The following NSUN3 variants were observed in gnomAD, a reference collection of about 807,000 sequenced individuals.
NSUN3 encodes NOP2/Sun RNA methyltransferase 3.
In NSUN3, 24 loss-of-function variants were observed where a neutral mutation model predicts 36.8. The observed-to-expected ratio is 0.65, with a 90% CI of 0.47 to 0.92. The LOEUF is 0.92. NSUN3 is among the 40% of genes least tolerant of loss of function. NSUN3 has a pLI of 0.00. For missense variants in NSUN3, 381 were observed against 392.8 expected, an observed-to-expected ratio of 0.97 and a Z score of 0.25; for synonymous variants, 146 against 145.2, an observed-to-expected ratio of 1.01 and a Z score of -0.04.
At chr3:94,124,134 TTATTA>T (rs2077475240) in intron 5 of NSUN3, among the ~76,000 whole-genome samples, 2 of 149,784 alleles carry the variant, frequency 1.3e-5, no homozygotes, top group South Asian at 4.2e-4. Context: ...ATTTTCTATT[TTATTA>T]TTTTATTTCT....
At chr3:94,078,741 G>T (rs1257085333) in intron 2 of NSUN3, among the ~76,000 whole-genome samples, 1 of 152,142 alleles carries the variant, frequency 6.6e-6, no homozygotes, top group Non-Finnish European at 1.5e-5. Context: ...TTTTATCAGA[G>T]ATTAGGATTG....
intron 3 of NSUN3, among the ~76,000 whole-genome samples, chr3:94,090,107 C>T (rs2077308242): frequency 6.6e-6 from 1 of 152,006 alleles, no homozygotes; most frequent in Non-Finnish European, 1.5e-5. Context: ...AATGAAACTA[C>T]CAATTTCAGT....
chr3:94,099,969 G>T (rs1235082165), intron 5 of NSUN3, among the ~76,000 whole-genome samples: 1 of 152,030 alleles, frequency 6.6e-6, no homozygotes. Flanking sequence ...TTCACAATAT[G>T]AAATAAAAGG....
At chr3:94,072,773 G>C (rs531372656) in intron 2 of NSUN3, among the ~76,000 whole-genome samples, 1 of 152,086 alleles carries the variant, frequency 6.6e-6, no homozygotes, top group South Asian at 2.1e-4. Flanking sequence ...TTTCTGAAGA[G>C]TTCTGCCTCA....
chr3:94,124,148 C>CTTTTTTTTT (rs58987431), intron 5 of NSUN3, among the ~76,000 whole-genome samples: 13 of 88,190 alleles, frequency 1.5e-4, no homozygotes, highest in Non-Finnish European at 2.3e-4. Context: ...TATTTTATTT[C>CTTTTTTTTT]TTTTTTTTTT....
Position 94,126,505 on chromosome 3 carries a change from C to T in NSUN3, c.*15C>T, listed in dbSNP as rs767484984. The T allele has an allele frequency of 4.4e-6, 7 of 1,600,030 alleles. No individual in the cohort carries two copies. Among genetic ancestry groups the T allele is most frequent in the Middle Eastern group, 1.7e-4 (1 of 6,026 alleles). On this transcript the variant is annotated 3_prime_UTR_variant, in exon 6 of 6. Coordinates refer to ENST00000314622, the MANE Select transcript of NSUN3 (RefSeq NM_022072.5). ...GAAAATGGTGACATGAATTTGTAAA[C>T]TGTGTTTATGTGTTATTATATTTAT...
At chr3:94,063,226 G>T (rs2077188506) in intron 1 of NSUN3, 88 bp downstream of exon 1, 1 of 1,294,844 alleles carries the variant, frequency 7.7e-7, no homozygotes, top group Non-Finnish European at 1.1e-6. Context: ...GCTGGGATGG[G>T]GGAACATCAC....
intron 5 of NSUN3, among the ~76,000 whole-genome samples, chr3:94,114,281 G>A (rs182661075): frequency 8.1e-4 from 123 of 152,110 alleles, no homozygotes; most frequent in Middle Eastern, 3.4e-3. Flanking sequence ...TCCTCTTTCC[G>A]GTACTAGATT....
At chr3:94,072,271 C>G (rs548546532) in intron 2 of NSUN3, among the ~76,000 whole-genome samples, 1 of 152,272 alleles carries the variant, frequency 6.6e-6, no homozygotes, top group South Asian at 2.1e-4. Flanking sequence ...GGAATCACTT[C>G]TGTTAGACTT....
rs2077283292 is a variant in NSUN3, at chr3:94,084,299, C to T, written c.315C>T (p.His105=). 1 of 1,614,108 alleles carries T rather than the reference C, an allele frequency of 6.2e-7. No homozygotes were observed. The stretch of plus-strand genomic sequence containing the variant: ...CGGGCCGAATCCCTTCAGAAAGACA[C>T]CAAATTGGAAACCTGAAAAAATATT... ...RTPGRIPSER[H]QIGNLKKYYL... Residue 105 remains histidine, a synonymous_variant, in exon 3 of 6, where the codon CAC becomes CAT. Transcript: ENST00000314622.
chr3:94,074,711 C>T (rs1341627609), intron 2 of NSUN3, among the ~76,000 whole-genome samples: 1 of 152,150 alleles, frequency 6.6e-6, no homozygotes, highest in East Asian at 1.9e-4. Flanking sequence ...TGGGCTGAGA[C>T]GATGGGGCTT....
At chr3:94,092,919 CAAAAAAAA>C (rs1161530879) in intron 3 of NSUN3, among the ~76,000 whole-genome samples, 19 of 24,638 alleles carry the variant, frequency 7.7e-4, no homozygotes, top group African/African-American at 1.2e-3. Context: ...GACTGCATCT[CAAAAAAAA>C]AAAAAAAAAA....
At chr3:94,070,343 C>G (rs138275813) in intron 2 of NSUN3, among the ~76,000 whole-genome samples, 3 of 151,984 alleles carry the variant, frequency 2.0e-5, no homozygotes, top group Non-Finnish European at 4.4e-5. Context: ...TGCCTGTAGG[C>G]GCAACTACTT....
At chr3:94,123,141 C>A (rs942948684) in intron 5 of NSUN3, among the ~76,000 whole-genome samples, 2 of 151,982 alleles carry the variant, frequency 1.3e-5, no homozygotes, top group African/African-American at 2.4e-5. Context: ...TCTTTTACTT[C>A]TCTCCCTTCT....
At chr3:94,089,518 G>C (rs2077306069) in intron 3 of NSUN3, among the ~76,000 whole-genome samples, 1 of 152,208 alleles carries the variant, frequency 6.6e-6, no homozygotes, top group African/African-American at 2.4e-5. Flanking sequence ...GGCAGAGTGT[G>C]ACCTTCTGGG....
chr3:94,087,908 G>A (rs1259341377), intron 3 of NSUN3, among the ~76,000 whole-genome samples: 1 of 152,100 alleles, frequency 6.6e-6, no homozygotes. Context: ...GGCTCAAGCA[G>A]TCTGCCTGCC....
chr3:94,072,871 G>A (rs1034073615), intron 2 of NSUN3, among the ~76,000 whole-genome samples: 1 of 151,702 alleles, frequency 6.6e-6, no homozygotes, highest in Non-Finnish European at 1.5e-5. Context: ...TCTTACATAG[G>A]TATACCCATG....
chr3:94,083,729 G>A (rs1182431885), intron 2 of NSUN3, among the ~76,000 whole-genome samples: 5 of 152,122 alleles, frequency 3.3e-5, no homozygotes, highest in Non-Finnish European at 7.3e-5. Flanking sequence ...TTGTTACTTA[G>A]GCATGATGGA....
chr3:94,126,370 C>T lies in NSUN3; in HGVS notation c.903C>T (p.Asp301=). The change falls in exon 6 of 6, where the codon GAC becomes GAT. Residue 301 remains aspartate (D), a synonymous_variant. Transcript: ENST00000314622. ...IKGIARTCSH[D]FTFAPTGQEC... is the part of the protein sequence containing the mutation. ...GAATAGCAAGGACTTGCTCCCACGA[C>T]TTCACATTTGCTCCCACTGGCCAGG... 2 of 1,614,166 alleles carry T rather than the reference C, an allele frequency of 1.2e-6. No homozygotes were observed. Among genetic ancestry groups the T allele is most frequent in the South Asian group, 2.2e-5 (2 of 91,092 alleles).
Sources: allele counts gnomAD v4.1 joint callset (sites outside exome capture counted in the v4.1 genomes callset), GRCh38; gene constraint gnomAD v4.1.1; transcripts MANE v1.5; gene names NCBI Gene and HGNC (gene_info 2026-07-23, HGNC 2026-07-21).